Variants in CHST11 observed in about 807,000 individuals in gnomAD.
The protein encoded by CHST11 is carbohydrate sulfotransferase 11, also known as C4S-1.
In CHST11, 9 loss-of-function variants were observed where a neutral mutation model predicts 30.4. The ratio of observed to expected loss-of-function variants is 0.30; its 90% CI spans 0.18 to 0.52. CHST11 has a LOEUF of 0.52. Ranked by LOEUF, CHST11 falls within the 20% of genes least tolerant of loss-of-function variation. The probability of loss-of-function intolerance (pLI) is 0.97; values close to 1 mark genes in which losing one functional copy is unlikely to be tolerated. For synonymous variants in CHST11, 152 were observed against 187.8 expected (o/e 0.81, Z 1.56); for missense variants, 348 against 460.6 (o/e 0.76, Z 2.24).
chr12:104,581,869 T>C (rs536296140), intron 1 of CHST11, among the ~76,000 whole-genome samples: 3 of 152,270 alleles, frequency 2.0e-5, no homozygotes, highest in African/African-American at 7.2e-5. Context: ...TTGTCTTGGC[T>C]TGGAAAACAA....
chr12:104,476,283 A>C (rs1000742687), intron 1 of CHST11, among the ~76,000 whole-genome samples: 1 of 150,464 alleles, frequency 6.6e-6, no homozygotes, highest in Non-Finnish European at 1.5e-5. Flanking sequence ...CACATGTAGT[A>C]TATACACATA....
At chr12:104,696,485 A>AAAAAAC (rs2039947322) in intron 2 of CHST11, among the ~76,000 whole-genome samples, 1 of 65,556 alleles carries the variant, frequency 1.5e-5, no homozygotes, top group Non-Finnish European at 3.7e-5. Context: ...AAAAATACAA[A>AAAAAAC]AAAAAAAAAA....
intron 2 of CHST11, among the ~76,000 whole-genome samples, chr12:104,722,155 AGTGTGT>A (rs57545833): frequency 1.7e-4 from 24 of 137,590 alleles, no homozygotes; most frequent in South Asian, 2.4e-4. Flanking sequence ...CACTCAGCTA[AGTGTGT>A]GTGTGTGTGT....
chr12:104,466,350 G>C (rs1425079007), intron 1 of CHST11, among the ~76,000 whole-genome samples: 1 of 152,184 alleles, frequency 6.6e-6, no homozygotes, highest in Non-Finnish European at 1.5e-5. Flanking sequence ...AAACAAAACT[G>C]ACTCACTAGG....
intron 2 of CHST11, among the ~76,000 whole-genome samples, chr12:104,748,685 A>T (rs2040407461): frequency 6.6e-6 from 1 of 152,148 alleles, no homozygotes; most frequent in Admixed American, 6.5e-5. Flanking sequence ...CCCACCCGGC[A>T]CCTTAGTCTT....
In CHST11 at chr12:104,687,343, C is replaced by T. The variant is rs147822189; in HGVS notation, c.205-69606C>T. ...GGCACTAAGTAAATGTGTATAAATC[C>T]TGGACAATACAGCAATAGTGATGGT... is the stretch of plus-strand genomic sequence containing the variant. On this transcript the variant is annotated intron_variant, in intron 2 of 2. Coordinates refer to ENST00000303694, the MANE Select transcript of CHST11 (RefSeq NM_018413.6). Among the ~76,000 whole-genome samples the T allele has an allele frequency of 5.9e-5, 9 of 152,348 alleles. No individual in the cohort carries two copies. The East Asian group carries it at 1.7e-3, about 29-fold the overall frequency.
chr12:104,531,677 A>G (rs2038186538), intron 1 of CHST11, among the ~76,000 whole-genome samples: 2 of 152,048 alleles, frequency 1.3e-5, no homozygotes, highest in Admixed American at 1.3e-4. Flanking sequence ...GTTCTAATTC[A>G]GGCCCATAGT....
At chr12:104,611,804 A>C (rs2039062307) in intron 2 of CHST11, among the ~76,000 whole-genome samples, 1 of 152,230 alleles carries the variant, frequency 6.6e-6, no homozygotes, top group Non-Finnish European at 1.5e-5. Flanking sequence ...TGGAAGGGCT[A>C]ACACTTTGAA....
intron 2 of CHST11, among the ~76,000 whole-genome samples, chr12:104,723,653 A>T (rs1269068336): frequency 6.6e-6 from 1 of 152,110 alleles, no homozygotes; most frequent in African/African-American, 2.4e-5. Flanking sequence ...GTGGTGCCCA[A>T]ATTAGACTCT....
intron 2 of CHST11, among the ~76,000 whole-genome samples, chr12:104,633,412 C>CTTTTTTTTT (rs34686417): frequency 1.8e-5 from 2 of 111,882 alleles, no homozygotes; most frequent in African/African-American, 3.5e-5. Flanking sequence ...CTCCCTCTGT[C>CTTTTTTTTT]TTTTTTTTTT....
rs111247055 is a variant in CHST11 at position 104,474,954 on chromosome 12, C to A, written c.118+17425C>A. ...AGAGTGGCTCCTTGCTTATCTGTTT[C>A]ATATTTTTGGGTTCTGAGTAAAATT... On this transcript the variant is annotated intron_variant, in intron 1 of 2. Coordinates refer to ENST00000303694, the MANE Select transcript of CHST11 (RefSeq NM_018413.6). 3.2e-3 allele frequency among the ~76,000 whole-genome samples: 492 copies of A among 152,270 alleles called. 2 individuals are homozygous for A. Among genetic ancestry groups the A allele is most frequent in the African/African-American group, 0.011 (445 of 41,542 alleles).
intron 1 of CHST11, among the ~76,000 whole-genome samples, chr12:104,538,496 T>C (rs548039260): frequency 3.9e-5 from 6 of 152,342 alleles, no homozygotes; most frequent in African/African-American, 1.4e-4. Flanking sequence ...CTGTATTCTT[T>C]GGGAGAGAGT....
intron 1 of CHST11, chr12:104,514,209 G>A (rs771280543): frequency 3.5e-5 from 31 of 891,638 alleles, no homozygotes; most frequent in Non-Finnish European, 4.9e-5. Context: ...TGTTGTCTCC[G>A]GGGACATTGA....
intron 2 of CHST11, among the ~76,000 whole-genome samples, chr12:104,709,392 G>A (rs770134246): frequency 3.9e-5 from 6 of 152,222 alleles, no homozygotes; most frequent in East Asian, 1.9e-4. Context: ...AAAGGCAGAC[G>A]TGGCCCTCAC....
chr12:104,609,475 T>G (rs2039037909), intron 2 of CHST11, among the ~76,000 whole-genome samples: 1 of 152,148 alleles, frequency 6.6e-6, no homozygotes, highest in South Asian at 2.1e-4. Context: ...GATTCATTAT[T>G]CTTGAACCAG....
At chr12:104,695,987 G>A (rs1293631265) in intron 2 of CHST11, among the ~76,000 whole-genome samples, 1 of 152,180 alleles carries the variant, frequency 6.6e-6, no homozygotes, top group Non-Finnish European at 1.5e-5. Flanking sequence ...TGGCAGGGCT[G>A]CGGAGCTGAG....
intron 2 of CHST11, among the ~76,000 whole-genome samples, chr12:104,739,660 A>C (rs2040330466): frequency 6.6e-6 from 1 of 152,222 alleles, no homozygotes; most frequent in Admixed American, 6.5e-5. Flanking sequence ...AAAACTTTTA[A>C]CTGTGAATAT....
intron 1 of CHST11, among the ~76,000 whole-genome samples, chr12:104,588,689 C>T (rs532196278): frequency 5.9e-5 from 9 of 152,338 alleles, no homozygotes; most frequent in Non-Finnish European, 1.0e-4. Context: ...AAGTTCTGTA[C>T]ATGACAGCCA....
intron 1 of CHST11, among the ~76,000 whole-genome samples, chr12:104,481,592 G>A (rs777099532): frequency 3.9e-5 from 6 of 152,042 alleles, no homozygotes; most frequent in Non-Finnish European, 8.8e-5. Flanking sequence ...TCTCTCACGC[G>A]TCGATGGGGG....
Sources: gnomAD v4.1 joint callset for allele counts (sites outside exome capture counted in the v4.1 genomes callset) on GRCh38, gnomAD v4.1.1 for gene constraint, MANE v1.5 for transcripts, NCBI Gene and HGNC (gene_info 2026-07-23, HGNC 2026-07-21) for gene names.